ARHGEF7: variants seen among roughly 807,000 people sequenced by gnomAD.
ARHGEF7 encodes Rho guanine nucleotide exchange factor 7.
ARHGEF7 carries 33 observed loss-of-function variants against 109.8 expected under a neutral mutation model. The observed-to-expected ratio is 0.30, with a 90% CI of 0.23 to 0.40. The LOEUF is 0.40. Ranked by LOEUF, ARHGEF7 falls within the 10% of genes least tolerant of loss-of-function variation. The probability of loss-of-function intolerance (pLI) is 1.00; values close to 1 mark genes in which losing one functional copy is unlikely to be tolerated. For synonymous variants in ARHGEF7, 458 were observed against 424.6 expected (o/e 1.08, Z -0.97); for missense variants, 938 against 1,098.5 (o/e 0.85, Z 2.07).
In ARHGEF7 at chr13:111,288,380, C is replaced by CA; in HGVS notation, c.2072dup (p.Ile692AspfsTer6). On this transcript the variant is annotated frameshift_variant, in exon 18 of 22. Transcript: ENST00000646102. LOFTEE classifies it high-confidence loss of function. ...CACAGCTGCTTTGGAAGAAGATGCTCAGATTCTGAAAGTCATTGAAGCTTA... is the reference window on the plus strand; with the variant it reads ...CACAGCTGCTTTGGAAGAAGATGCTCAAGATTCTGAAAGTCATTGAAGCTTA... The CA allele has an allele frequency of 6.2e-7, 1 of 1,613,396 alleles. No individual in the cohort carries two copies. Among genetic ancestry groups the CA allele is most frequent in the Non-Finnish European group, 8.5e-7 (1 of 1,179,446 alleles).
At chr13:111,230,514 CT>C (rs1164763071) in intron 5 of ARHGEF7, among the ~76,000 whole-genome samples, 1 of 152,218 alleles carries the variant, frequency 6.6e-6, no homozygotes, top group African/African-American at 2.4e-5. Flanking sequence ...CACATTTCTT[CT>C]GGCGTGACCG....
chr13:111,286,283 G>A, intron 17 of ARHGEF7, 43 bp downstream of exon 17: 1 of 1,502,654 alleles, frequency 6.7e-7, no homozygotes, highest in South Asian at 1.1e-5. Flanking sequence ...TGGCCTCCTG[G>A]TCACGTAGGC....
intron 3 of ARHGEF7, among the ~76,000 whole-genome samples, 179 bp downstream of exon 3, chr13:111,205,552 TC>T (rs921241111): frequency 1.3e-5 from 2 of 152,222 alleles, no homozygotes; most frequent in Admixed American, 6.5e-5. Context: ...TAGAATAGAA[TC>T]TTCTTTAAAT....
chr13:111,266,675 G>C lies in ARHGEF7; in HGVS notation c.951-873G>C, dbSNP rs2091669921. Reference sequence around the variant, plus strand: ...ACTCTTGTTTTCTGTAGGAATCCCTGGTGTTCATGTTTTTGGTCACTTTTT... The same window carrying C: ...ACTCTTGTTTTCTGTAGGAATCCCTCGTGTTCATGTTTTTGGTCACTTTTT... On this transcript the variant is annotated intron_variant, in intron 8 of 21. Coordinates refer to ENST00000646102, the MANE Select transcript of ARHGEF7 (RefSeq NM_001354046.2). The surrounding 1 kb of genome is among the most constrained non-coding windows in gnomAD (Gnocchi z 4.8). Among the ~76,000 whole-genome samples the C allele has an allele frequency of 6.6e-6, 1 of 152,112 alleles. No individual in the cohort carries two copies.
intron 19 of ARHGEF7, chr13:111,295,019 C>T (rs2093395792): frequency 1.0e-6 from 1 of 985,580 alleles, no homozygotes; most frequent in Non-Finnish European, 1.2e-6. Flanking sequence ...ATGGGAAAAG[C>T]CATTTTTAGT....
At chr13:111,154,495 G>C (rs749577662) in intron 2 of ARHGEF7, among the ~76,000 whole-genome samples, 8 of 152,142 alleles carry the variant, frequency 5.3e-5, no homozygotes, top group Admixed American at 2.6e-4. Flanking sequence ...TCCTTTCTCT[G>C]CTTTTTCTTC....
intron 2 of ARHGEF7, among the ~76,000 whole-genome samples, chr13:111,203,930 G>A (rs1397872006): frequency 1.3e-5 from 2 of 152,166 alleles, no homozygotes; most frequent in African/African-American, 4.8e-5. Flanking sequence ...GTCTCCATTC[G>A]GATGCCTTTT....
In ARHGEF7 at chr13:111,175,864, A is replaced by G. The variant is rs1264688881; in HGVS notation, c.252+21873A>G. Reference sequence around the variant, plus strand: ...CACAGGGCTGGGGAGGTCCCAGGAAACTTAACAGTTGTGGCAAAAGGGGAA... The same window carrying G: ...CACAGGGCTGGGGAGGTCCCAGGAAGCTTAACAGTTGTGGCAAAAGGGGAA... On this transcript the variant is annotated intron_variant, in intron 2 of 21. Transcript: ENST00000646102. Among the ~76,000 whole-genome samples the G allele has an allele frequency of 2.0e-5, 3 of 152,202 alleles. No individual in the cohort carries two copies. The East Asian group carries it at 5.8e-4, about 29-fold the overall frequency.
chr13:111,294,784 T>C (rs1431332902), intron 19 of ARHGEF7: 2 of 985,628 alleles, frequency 2.0e-6, no homozygotes, highest in Non-Finnish European at 2.4e-6. Context: ...GTACAGTTAG[T>C]ATTCTAATGA....
intron 18 of ARHGEF7, 79 bp downstream of exon 18, chr13:111,288,522 G>A (rs1393475851): frequency 8.5e-7 from 1 of 1,179,120 alleles, no homozygotes; most frequent in Non-Finnish European, 1.2e-6. Context: ...GGAACCTGTT[G>A]TGGTAGGCCC....
chr13:111,206,823 G>A (rs1029297096), intron 3 of ARHGEF7, among the ~76,000 whole-genome samples: 1 of 151,784 alleles, frequency 6.6e-6, no homozygotes, highest in African/African-American at 2.4e-5. Context: ...TTAGCCAGGC[G>A]TGGTGGCGGG....
At chr13:111,221,393 C>CTATATATATA (rs1281682476) in intron 5 of ARHGEF7, among the ~76,000 whole-genome samples, 1 of 5,464 alleles carries the variant, frequency 1.8e-4, no homozygotes, top group Non-Finnish European at 5.5e-4. Flanking sequence ...ATATAGATGT[C>CTATATATATA]TATATATCTA....
chr13:111,197,070 C>G (rs967830661), intron 2 of ARHGEF7, among the ~76,000 whole-genome samples: 1 of 152,152 alleles, frequency 6.6e-6, no homozygotes, highest in South Asian at 2.1e-4. Flanking sequence ...AAAGACAAAA[C>G]CACCTGCAGT....
At chr13:111,197,828 A>G (rs751989319) in intron 2 of ARHGEF7, among the ~76,000 whole-genome samples, 1 of 152,092 alleles carries the variant, frequency 6.6e-6, no homozygotes, top group African/African-American at 2.4e-5. Context: ...GAAACTAGAA[A>G]AGAACTAGAG....
chr13:111,143,432 T>G (rs2075442267), intron 1 of ARHGEF7: 1 of 152,196 alleles, frequency 6.6e-6, no homozygotes, highest in South Asian at 2.1e-4. Flanking sequence ...CATGCTGAAG[T>G]GCACTCAGTG....
chr13:111,298,771 A>C (rs2093484013), intron 19 of ARHGEF7, among the ~76,000 whole-genome samples: 1 of 152,208 alleles, frequency 6.6e-6, no homozygotes, highest in Non-Finnish European at 1.5e-5. Context: ...ACTCCCTGAC[A>C]GTGTCAGGTC....
intron 5 of ARHGEF7, among the ~76,000 whole-genome samples, chr13:111,230,082 T>G (rs1358115065): frequency 6.6e-6 from 1 of 152,006 alleles, no homozygotes; most frequent in Non-Finnish European, 1.5e-5. Context: ...AGTGAGAGGG[T>G]TTCCTCTTTG....
At chr13:111,151,564 C>T (rs1441007736) in intron 1 of ARHGEF7, among the ~76,000 whole-genome samples, 1 of 152,096 alleles carries the variant, frequency 6.6e-6, no homozygotes, top group Non-Finnish European at 1.5e-5. Flanking sequence ...AGCTTCATCA[C>T]ACACTATAGA....
intron 1 of ARHGEF7, among the ~76,000 whole-genome samples, chr13:111,149,529 T>C (rs1471136487): frequency 1.3e-5 from 2 of 152,250 alleles, no homozygotes; most frequent in Admixed American, 6.5e-5. Context: ...AGGAGAAATA[T>C]AGCGTTAGGA....
Sources: gnomAD v4.1 joint callset for allele counts (sites outside exome capture counted in the v4.1 genomes callset) on GRCh38, gnomAD v4.1.1 for gene constraint, Gnocchi (gnomAD v3.1) non-coding constraint, MANE v1.5 for transcripts, NCBI Gene and HGNC (gene_info 2026-07-23, HGNC 2026-07-21) for gene names.